AFAP1L2: variants seen among roughly 807,000 people sequenced by gnomAD.
AFAP1L2 encodes actin filament associated protein 1 like 2.
In AFAP1L2, 46 loss-of-function variants were observed where a neutral mutation model predicts 99.3. The ratio of observed to expected loss-of-function variants is 0.46; its 90% CI spans 0.37 to 0.59. AFAP1L2 has a LOEUF of 0.59. Among genes scored for constraint, AFAP1L2 ranks in the 20% least tolerant of loss-of-function variants. The probability of loss-of-function intolerance (pLI) is 0.00; values close to 1 mark genes in which losing one functional copy is unlikely to be tolerated. For missense variants in AFAP1L2, 959 were observed against 1,034.9 expected, an observed-to-expected ratio of 0.93 and a Z score of 1.01; for synonymous variants, 397 against 419.1, an observed-to-expected ratio of 0.95 and a Z score of 0.64.
intron 5 of AFAP1L2, among the ~76,000 whole-genome samples, chr10:114,317,409 G>A (rs1419719595): frequency 1.3e-5 from 2 of 152,034 alleles, no homozygotes; most frequent in Non-Finnish European, 2.9e-5. Flanking sequence ...ACCCAGGATG[G>A]AACCCTGAAC....
At chr10:114,350,188 T>C (rs2050246453) in intron 1 of AFAP1L2, among the ~76,000 whole-genome samples, 1 of 152,016 alleles carries the variant, frequency 6.6e-6, no homozygotes, top group Non-Finnish European at 1.5e-5. Context: ...GCTGAAGACA[T>C]GAAACCAAGC....
intron 1 of AFAP1L2, among the ~76,000 whole-genome samples, chr10:114,386,827 G>A (rs775284606): frequency 2.6e-5 from 4 of 152,238 alleles, no homozygotes; most frequent in East Asian, 1.9e-4. Flanking sequence ...TGTGGGCCTC[G>A]GTCCTGGGAC....
chr10:114,284,602 G>A, the AFAP1L2 span, among the ~76,000 whole-genome samples: 321 of 152,326 alleles, frequency 2.1e-3, 2 homozygotes, highest in Non-Finnish European at 3.8e-3. Context: ...TCCTTGTCAA[G>A]CTTCAGTCTA....
intron 1 of AFAP1L2, among the ~76,000 whole-genome samples, chr10:114,352,285 C>T (rs574061569): frequency 5.3e-5 from 8 of 151,872 alleles, no homozygotes; most frequent in Admixed American, 1.3e-4. Context: ...CCAGCCTGGC[C>T]AATATGGTGA....
chr10:114,296,353 G>A (rs886505535), intron 18 of AFAP1L2: 2 of 454,534 alleles, frequency 4.4e-6, no homozygotes, highest in African/African-American at 3.9e-5. Context: ...ATTGTTGTGG[G>A]ACCTCCAAAT....
At chr10:114,347,173 C>T (rs2049731716) in intron 1 of AFAP1L2, among the ~76,000 whole-genome samples, 1 of 152,154 alleles carries the variant, frequency 6.6e-6, no homozygotes, top group Non-Finnish European at 1.5e-5. Flanking sequence ...CTCATGAGCC[C>T]AACTGCTGGG....
At position 114,300,140 on chromosome 10, in the gene AFAP1L2, G is replaced by GAC. The variant is rs555074053; in HGVS notation, c.1957+53_1957+54insGT. On this transcript the variant is annotated intron_variant, in intron 15 of 18. Coordinates refer to ENST00000304129, the MANE Select transcript of AFAP1L2 (RefSeq NM_001001936.3). ...CTATCCTATTAGTTCTGTCCCTCTA[G>GAC]AGAACCCTGACTAATACAGATGGAA... 609 of 1,612,176 alleles carry GAC rather than the reference G, an allele frequency of 3.8e-4. 1 individual carries two copies. The highest frequency in any genetic ancestry group is 3.2e-3 in the Middle Eastern group (19 of 5,934).
chr10:114,386,476 T>C (rs978350989), intron 1 of AFAP1L2, among the ~76,000 whole-genome samples: 2 of 152,232 alleles, frequency 1.3e-5, no homozygotes, highest in African/African-American at 2.4e-5. Context: ...TTGATTGTGA[T>C]GCCCTGCTTA....
intron 1 of AFAP1L2, among the ~76,000 whole-genome samples, chr10:114,399,416 T>C (rs2058040354): frequency 6.6e-6 from 1 of 152,308 alleles, no homozygotes; most frequent in Admixed American, 6.5e-5. Flanking sequence ...AGTCCCTCCC[T>C]GGCTGAAGGG....
At chr10:114,291,174 G>A, downstream of AFAP1L2, 1 of 1,550,094 alleles carries the variant, frequency 6.5e-7, no homozygotes. Context: ...GGCTGAGAAG[G>A]GGATGCAGAC....
At chr10:114,342,259 G>A (rs1422086326) in intron 1 of AFAP1L2, among the ~76,000 whole-genome samples, 1 of 152,188 alleles carries the variant, frequency 6.6e-6, no homozygotes, top group African/African-American at 2.4e-5. Flanking sequence ...CACTCCTAGT[G>A]TGTGGGGTGA....
At chr10:114,381,664 A>G (rs2055634511) in intron 1 of AFAP1L2, among the ~76,000 whole-genome samples, 2 of 152,200 alleles carry the variant, frequency 1.3e-5, no homozygotes, top group African/African-American at 4.8e-5. Flanking sequence ...GAGACATAAA[A>G]GGAAATAAAT....
the AFAP1L2 span, among the ~76,000 whole-genome samples, chr10:114,288,654 G>A: frequency 2.0e-5 from 3 of 152,228 alleles, no homozygotes; most frequent in Non-Finnish European, 4.4e-5. Context: ...GCTTCCAGCT[G>A]CATGAGTTTG....
rs759115083 is a variant in AFAP1L2 at position 114,301,403 on chromosome 10, C to T, written c.1493G>A (p.Arg498His). Residue 498 changes from arginine to histidine, a missense_variant, in exon 13 of 19, where the codon CGC (arginine) becomes CAC (histidine). Around this residue, in one of 2 missense-constraint regions of AFAP1L2, gnomAD observed 576 missense variants for 562.1 expected, o/e 1.02. Transcript: ENST00000304129. ...CACGTCGTCATACAGCTCCTCCTGG[C>T]GGTCCTGGCTAGGCAGGCCATCGAT... ...TYIDGLPSQD[R>H]QEELYDDVDL... 41 of 1,614,108 alleles carry T rather than the reference C, an allele frequency of 2.5e-5. No homozygotes were observed. Among genetic ancestry groups the T allele is most frequent in the Admixed American group, 3.3e-5 (2 of 60,010 alleles).
intron 1 of AFAP1L2, among the ~76,000 whole-genome samples, chr10:114,388,189 A>G (rs1414129596): frequency 6.6e-6 from 1 of 152,136 alleles, no homozygotes; most frequent in African/African-American, 2.4e-5. Flanking sequence ...GGGGAAGCTC[A>G]GTTTCACTGC....
intron 1 of AFAP1L2, among the ~76,000 whole-genome samples, chr10:114,391,697 T>C (rs1374560716): frequency 6.6e-6 from 1 of 152,236 alleles, no homozygotes; most frequent in African/African-American, 2.4e-5. Context: ...GGTTAAGGGA[T>C]CCAGTGGCAG....
intron 1 of AFAP1L2, among the ~76,000 whole-genome samples, chr10:114,350,343 T>C (rs187049557): frequency 6.6e-6 from 1 of 152,344 alleles, no homozygotes; most frequent in African/African-American, 2.4e-5. Context: ...TTCTCTGTTG[T>C]CCCATGGATG....
intron 1 of AFAP1L2, among the ~76,000 whole-genome samples, chr10:114,370,973 T>C (rs2054010990): frequency 6.6e-6 from 1 of 152,228 alleles, no homozygotes; most frequent in Non-Finnish European, 1.5e-5. Flanking sequence ...GGGACTTAGA[T>C]GACAGCAAGA....
chr10:114,321,563 C>T (rs895565553), intron 5 of AFAP1L2, among the ~76,000 whole-genome samples: 2 of 152,198 alleles, frequency 1.3e-5, no homozygotes, highest in Non-Finnish European at 2.9e-5. Flanking sequence ...ATGGAACCAA[C>T]AACACCTTCC....
Sources: gnomAD v4.1 joint callset for allele counts (sites outside exome capture counted in the v4.1 genomes callset) on GRCh38, gnomAD v4.1.1 for gene constraint, gnomAD v4.1.1 regional missense constraint, MANE v1.5 for transcripts, NCBI Gene and HGNC (gene_info 2026-07-23, HGNC 2026-07-21) for gene names.